Variants in SCAI observed in about 807,000 individuals in gnomAD.
SCAI encodes suppressor of cancer cell invasion.
A neutral mutation model predicts 92.2 loss-of-function variants in SCAI; 24 were observed. The observed-to-expected ratio is 0.26, with a 90% CI of 0.19 to 0.37. The LOEUF (loss-of-function observed/expected upper bound fraction) is 0.37. SCAI is among the 10% of genes least tolerant of loss of function. SCAI has a pLI of 1.00. For synonymous variants in SCAI, 261 were observed against 258.6 expected (o/e 1.01, Z -0.09); for missense variants, 450 against 736.2 (o/e 0.61, Z 4.50).
chr9:125,077,471 T>C lies in SCAI; in HGVS notation c.99-21464A>G, dbSNP rs189368549. On this transcript the variant is annotated intron_variant, in intron 2 of 17. Transcript: ENST00000336505. Reference sequence around the variant, plus strand: ...TTTCTTCTGGGGGTATACCTCCTAGTAGAATTGCTGGGTCATCTGACAACT... The same window carrying C: ...TTTCTTCTGGGGGTATACCTCCTAGCAGAATTGCTGGGTCATCTGACAACT... Among the ~76,000 whole-genome samples the C allele has an allele frequency of 1.5e-3, 232 of 152,324 alleles. 2 individuals are homozygous for C. In the Middle Eastern group the frequency reaches 0.02, roughly 13 times the overall value.
Position 125,018,847 on chromosome 9 carries a change from T to C in SCAI, c.813A>G (p.Gly271=). The C allele has an allele frequency of 6.2e-7, 1 of 1,613,938 alleles. No homozygotes were observed. Among genetic ancestry groups the C allele is most frequent in the Middle Eastern group, 1.6e-4 (1 of 6,062 alleles). ...TGAGTGCGTCAGCCAGAGACAACTG[T>C]CCCACAATCATGCCCTGTTCCAGCA... is the stretch of plus-strand genomic sequence containing the variant. ...APLLEQGMIV[G]QLSLADALII... is the part of the protein sequence containing the mutation. Residue 271 remains glycine (G), a synonymous_variant, in exon 9 of 18, where the codon GGA becomes GGG. Coordinates refer to ENST00000336505, the MANE Select transcript of SCAI (RefSeq NM_001144877.3).
chr9:124,996,080 A>G (rs1186746523), intron 13 of SCAI, among the ~76,000 whole-genome samples: 1 of 152,184 alleles, frequency 6.6e-6, no homozygotes, highest in African/African-American at 2.4e-5. Flanking sequence ...TTTATTGACA[A>G]ATAAAAATTG....
chr9:124,971,086 A>G (rs1831648587), intron 17 of SCAI, among the ~76,000 whole-genome samples: 1 of 152,158 alleles, frequency 6.6e-6, no homozygotes, highest in East Asian at 1.9e-4. Context: ...AAGTGCTGAG[A>G]TTACAGGCGG....
At chr9:125,128,275 C>T (rs1835318358) in intron 2 of SCAI, among the ~76,000 whole-genome samples, 1 of 152,172 alleles carries the variant, frequency 6.6e-6, no homozygotes, top group Non-Finnish European at 1.5e-5. Flanking sequence ...GTGACTGTGG[C>T]ACTGCCCTCC....
intron 14 of SCAI, among the ~76,000 whole-genome samples, chr9:124,993,550 A>G (rs1348110969): frequency 6.6e-6 from 1 of 152,218 alleles, no homozygotes; most frequent in Non-Finnish European, 1.5e-5. Flanking sequence ...AGATCATGCC[A>G]TTGCACTCCA....
chr9:124,967,863 C>T (rs536225358), intron 17 of SCAI, among the ~76,000 whole-genome samples: 2 of 152,298 alleles, frequency 1.3e-5, no homozygotes, highest in African/African-American at 4.8e-5. Context: ...GTAGCCTACC[C>T]GTTAATGTGT....
chr9:125,098,830 T>TTTG (rs1212256313), intron 2 of SCAI, among the ~76,000 whole-genome samples: 3 of 152,184 alleles, frequency 2.0e-5, no homozygotes, highest in African/African-American at 7.2e-5. Context: ...CTGGAGATGT[T>TTTG]TTGTTGTTGT....
In SCAI at chr9:125,126,422, T is replaced by TGA. The variant is rs1303281040; in HGVS notation, c.98+16209_98+16210dup. Among the ~76,000 whole-genome samples, 1,037 of 142,964 alleles carry TGA rather than the reference T, an allele frequency of 7.3e-3. 16 individuals carry two copies. Among genetic ancestry groups the TGA allele is most frequent in the African/African-American group, 0.025 (964 of 38,486 alleles). The allele number at this position is 142,964 out of a possible 152,430, so 93.8% of individuals were successfully genotyped here. On this transcript the variant is annotated intron_variant, in intron 2 of 17. Transcript: ENST00000336505. Reference sequence around the variant, plus strand: ...GTGTGTGTGTGTGTGTGTGTGTGTGTGAGAGAGAGAGAGAACACACATGCA... The same window carrying TGA: ...GTGTGTGTGTGTGTGTGTGTGTGTGTGAGAGAGAGAGAGAGAACACACATGCA...
At chr9:125,094,714 C>A (rs932470604) in intron 2 of SCAI, among the ~76,000 whole-genome samples, 6 of 152,092 alleles carry the variant, frequency 3.9e-5, no homozygotes, top group Admixed American at 1.3e-4. Context: ...GTTGCCCAGG[C>A]TGGTCTCGAA....
At chr9:125,055,772 A>G (rs897788072) in intron 3 of SCAI, 104 bp downstream of exon 3, 62 of 829,550 alleles carry the variant, frequency 7.5e-5, no homozygotes, top group Non-Finnish European at 1.1e-4. Flanking sequence ...ACAGAAATTT[A>G]TATGACATTC....
intron 2 of SCAI, among the ~76,000 whole-genome samples, chr9:125,128,761 A>AT (rs569515107): frequency 2.7e-5 from 4 of 150,144 alleles, no homozygotes; most frequent in South Asian, 2.1e-4. Context: ...TCAAAAAAAA[A>AT]AAATAAATAA....
chr9:124,944,226 C>G lies in SCAI; in HGVS notation c.*8581G>C, dbSNP rs1246996536. 6.6e-6 allele frequency: 1 copy of G among 151,700 alleles called. No homozygotes were observed. The highest frequency in any genetic ancestry group is 6.6e-5 in the Admixed American group (1 of 15,238). 9.4% of individuals were successfully genotyped at this position (151,700 alleles called of 1,614,324 possible). On this transcript the variant is annotated 3_prime_UTR_variant, in exon 18 of 18. Coordinates refer to ENST00000336505, the MANE Select transcript of SCAI (RefSeq NM_001144877.3). ...CAAGTTCTAGATTATTGTACTGAAC[C>G]ATTAGAAGGTCTTTTTAATGATACA...
At chr9:124,987,552 T>C (rs1832022709) in intron 14 of SCAI, among the ~76,000 whole-genome samples, 1 of 152,110 alleles carries the variant, frequency 6.6e-6, no homozygotes, top group South Asian at 2.1e-4. Context: ...GGCACTGCAA[T>C]GAGAAAGACT....
intron 3 of SCAI, among the ~76,000 whole-genome samples, chr9:125,045,620 GTCGCTGTGCCT>G (rs1833418207): frequency 6.6e-6 from 1 of 152,188 alleles, no homozygotes. Context: ...ACAGGCATGA[GTCGCTGTGCCT>G]GGCCTGCCTC....
At chr9:125,095,700 C>T (rs1304314655) in intron 2 of SCAI, among the ~76,000 whole-genome samples, 1 of 152,228 alleles carries the variant, frequency 6.6e-6, no homozygotes, top group African/African-American at 2.4e-5. Flanking sequence ...TCTCTTCCTC[C>T]TGACTTTCCC....
At chr9:125,104,891 G>C (rs1015843220) in intron 2 of SCAI, among the ~76,000 whole-genome samples, 1 of 151,052 alleles carries the variant, frequency 6.6e-6, no homozygotes, top group Non-Finnish European at 1.5e-5. Flanking sequence ...CTGCAAGGTG[G>C]AGGTTCCAGT....
At position 124,943,859 on chromosome 9, in the gene SCAI, A is replaced by G. The variant is rs1386737209; in HGVS notation, c.*8948T>C. 6.6e-6 allele frequency: 1 copy of G among 152,232 alleles called. No individual in the cohort carries two copies. Among genetic ancestry groups the G allele is most frequent in the Non-Finnish European group, 1.5e-5 (1 of 68,026 alleles). 9.4% of individuals were successfully genotyped at this position (152,232 alleles called of 1,614,324 possible). A position where few individuals can be genotyped will look rare whatever the true frequency, so the allele number is the denominator to read the frequency against. ...AATAATAAAGTGTCCTGAAATTACA[A>G]TAATTCTTAGCACAAAGTAAAAAGT... On this transcript the variant is annotated 3_prime_UTR_variant, in exon 18 of 18. Coordinates refer to ENST00000336505, the MANE Select transcript of SCAI (RefSeq NM_001144877.3).
intron 17 of SCAI, among the ~76,000 whole-genome samples, chr9:124,967,539 T>C (rs1469555463): frequency 6.6e-6 from 1 of 152,160 alleles, no homozygotes; most frequent in Admixed American, 6.6e-5. Context: ...TTGTTTATTA[T>C]GCTACATCAC....
intron 2 of SCAI, among the ~76,000 whole-genome samples, chr9:125,080,845 T>C (rs1025573428): frequency 3.3e-5 from 5 of 152,208 alleles, no homozygotes; most frequent in African/African-American, 1.2e-4. Flanking sequence ...AAATCTCATC[T>C]TGAATTCCCA....
Sources: allele counts gnomAD v4.1 joint callset (sites outside exome capture counted in the v4.1 genomes callset), GRCh38; gene constraint gnomAD v4.1.1; transcripts MANE v1.5; gene names NCBI Gene and HGNC (gene_info 2026-07-23, HGNC 2026-07-21).